PGM5: variants seen among roughly 807,000 people sequenced by gnomAD.
PGM5 encodes the protein phosphoglucomutase-like protein 5.
Under a neutral mutation model 59.2 loss-of-function variants are expected in PGM5, and 23 were observed. The ratio of observed to expected loss-of-function variants is 0.39; its 90% CI spans 0.28 to 0.55. The LOEUF is 0.55. Among genes scored for constraint, PGM5 ranks in the 20% least tolerant of loss-of-function variants. PGM5 has a pLI of 0.66. For synonymous variants in PGM5, 214 were observed against 286.0 expected, an observed-to-expected ratio of 0.75 and a Z score of 2.54; for missense variants, 574 against 748.3, an observed-to-expected ratio of 0.77 and a Z score of 2.72.
intron 1 of PGM5, chr9:68,357,650 G>A (rs1181512072): frequency 4.2e-5 from 23 of 547,900 alleles, no homozygotes; most frequent in African/African-American, 1.6e-4. Flanking sequence ...GAGCCACTCC[G>A]GGCGCCCTGG....
intron 9 of PGM5, among the ~76,000 whole-genome samples, chr9:68,487,463 TACACACACACAC>T (rs67566624): frequency 7.8e-5 from 11 of 141,874 alleles, no homozygotes; most frequent in East Asian, 2.1e-4. Flanking sequence ...CACACGCACA[TACACACACACAC>T]ACACACACAC....
intron 10 of PGM5, among the ~76,000 whole-genome samples, chr9:68,520,781 G>A (rs1180835304): frequency 6.6e-6 from 1 of 152,206 alleles, no homozygotes; most frequent in African/African-American, 2.4e-5. Context: ...TAGGCTATAT[G>A]TGCTGACAGT....
intron 6 of PGM5, among the ~76,000 whole-genome samples, chr9:68,419,220 G>A (rs1352820615): frequency 6.6e-6 from 1 of 151,426 alleles, no homozygotes; most frequent in African/African-American, 2.4e-5. Context: ...TGTTGTCTAA[G>A]AAAGAAGATG....
intron 7 of PGM5, among the ~76,000 whole-genome samples, chr9:68,475,325 G>A (rs562406754): frequency 5.9e-5 from 9 of 151,528 alleles, no homozygotes; most frequent in South Asian, 4.2e-4. Flanking sequence ...GTGAGCCACC[G>A]TGCCTGGCTA....
chr9:68,510,328 T>C (rs1472196007), intron 10 of PGM5, among the ~76,000 whole-genome samples: 1 of 151,942 alleles, frequency 6.6e-6, no homozygotes, highest in East Asian at 1.9e-4. Context: ...AATTTTTGTA[T>C]TTTTAGTAGA....
intron 7 of PGM5, among the ~76,000 whole-genome samples, chr9:68,468,169 C>G (rs112538057): frequency 1.2e-4 from 18 of 151,718 alleles, no homozygotes; most frequent in African/African-American, 4.1e-4. Context: ...GTTTCTGCTC[C>G]TCTCCTTCCT....
intron 6 of PGM5, among the ~76,000 whole-genome samples, chr9:68,422,451 T>C (rs1554682417): frequency 1.3e-5 from 2 of 150,246 alleles, no homozygotes; most frequent in Non-Finnish European, 2.9e-5. Flanking sequence ...TTTTGTTTTT[T>C]GTTTTGTTTT....
chr9:68,378,333 T>G lies in PGM5; in HGVS notation c.396T>G (p.Phe132Leu), dbSNP rs1554678021. The change falls in exon 2 of 11, where the codon TTT (phenylalanine) becomes TTG (leucine). Residue 132 changes from phenylalanine to leucine, a missense_variant. Physicochemically the swap from Phe to Leu is conservative, Grantham distance 22 (BLOSUM62 0). Coordinates refer to ENST00000396396, the MANE Select transcript of PGM5 (RefSeq NM_021965.4). ...SHCPGGPGGE[F>L]GVKFNVANGG... The stretch of plus-strand genomic sequence containing the variant: ...GCCCTGGAGGACCAGGGGGAGAGTT[T>G]GGAGTGAAGTTTAATGTTGCCAATG... 6.3e-7 allele frequency: 1 copy of G among 1,587,226 alleles called. No homozygotes were observed. The highest frequency in any genetic ancestry group is 1.9e-5 in the Admixed American group (1 of 52,942).
chr9:68,407,348 G>A (rs1215772077), intron 6 of PGM5, among the ~76,000 whole-genome samples: 31 of 152,094 alleles, frequency 2.0e-4, no homozygotes, highest in African/African-American at 6.8e-4. Context: ...GCCTAGGCTC[G>A]TCTCAAACTC....
intron 9 of PGM5, chr9:68,497,087 T>G (rs916040868): frequency 1.3e-5 from 2 of 152,216 alleles, no homozygotes; most frequent in African/African-American, 4.8e-5. Context: ...TTTTGGGGAT[T>G]TATTGTAGGT....
At chr9:68,447,205 C>T (rs76235143) in intron 6 of PGM5, among the ~76,000 whole-genome samples, 1 of 152,158 alleles carries the variant, frequency 6.6e-6, no homozygotes, top group Non-Finnish European at 1.5e-5. Flanking sequence ...CAAATGCAGC[C>T]GACCTCTTAG....
At chr9:68,517,981 C>T (rs1424678753) in intron 10 of PGM5, among the ~76,000 whole-genome samples, 4 of 152,192 alleles carry the variant, frequency 2.6e-5, no homozygotes, top group Non-Finnish European at 4.4e-5. Context: ...CTTTTGATGA[C>T]TGGCACAGGG....
chr9:68,514,373 G>A (rs926429928), intron 10 of PGM5, among the ~76,000 whole-genome samples: 2 of 152,102 alleles, frequency 1.3e-5, no homozygotes, highest in South Asian at 2.1e-4. Flanking sequence ...AGGCTGAGAC[G>A]GGTGAATCAC....
At chr9:68,409,754 T>C (rs1232456851) in intron 6 of PGM5, among the ~76,000 whole-genome samples, 3 of 131,156 alleles carry the variant, frequency 2.3e-5, no homozygotes, top group East Asian at 2.3e-4. Flanking sequence ...AGGGATAGCA[T>C]TGGGAGATAT....
At chr9:68,482,881 A>G (rs1824220836) in intron 8 of PGM5, among the ~76,000 whole-genome samples, 2 of 152,244 alleles carry the variant, frequency 1.3e-5, no homozygotes, top group Non-Finnish European at 2.9e-5. Context: ...ACAATGACAA[A>G]TGCAATTGGT....
At chr9:68,425,579 C>T (rs911834046) in intron 6 of PGM5, among the ~76,000 whole-genome samples, 1 of 152,284 alleles carries the variant, frequency 6.6e-6, no homozygotes, top group Non-Finnish European at 1.5e-5. Context: ...AAATCCTATC[C>T]TAAGCATTAT....
Position 68,529,636 on chromosome 9 carries a change from G to A in PGM5, c.1684G>A (p.Gly562Arg). The change falls in exon 11 of 11, where the codon GGA becomes AGA. Residue 562 changes from glycine to arginine, a missense_variant. Around this residue, in one of 7 missense-constraint regions of PGM5, gnomAD observed 300 missense variants for 280.0 expected, o/e 1.07. Transcript: ENST00000396396. ...GATTCATGAGAGAACTGGCCGGAGG[G>A]GACCCACTGTCATCACCTGAATAGA... ...SQIHERTGRRGPTVIT is the reference protein window; with the variant it reads ...SQIHERTGRRRPTVIT The A allele has an allele frequency of 6.3e-7, 1 of 1,597,390 alleles. No homozygotes were observed. The highest frequency in any genetic ancestry group is 1.3e-5 in the African/African-American group (1 of 74,828).
intron 2 of PGM5, among the ~76,000 whole-genome samples, chr9:68,382,257 G>A (rs1198154607): frequency 6.6e-6 from 1 of 151,494 alleles, no homozygotes; most frequent in Non-Finnish European, 1.5e-5. Context: ...GGCACCAAGA[G>A]GACATAATGG....
chr9:68,432,528 G>A (rs993420750), intron 6 of PGM5, among the ~76,000 whole-genome samples: 7 of 151,896 alleles, frequency 4.6e-5, no homozygotes, highest in African/African-American at 9.7e-5. Context: ...AAAAATTGAC[G>A]TTATATTTAC....
Sources: gnomAD v4.1 joint callset for allele counts (sites outside exome capture counted in the v4.1 genomes callset) on GRCh38, gnomAD v4.1.1 for gene constraint, gnomAD v4.1.1 regional missense constraint, MANE v1.5 for transcripts, NCBI Gene and HGNC (gene_info 2026-07-23, HGNC 2026-07-21) for gene names.